The following KCNQ5 variants were observed in gnomAD, a reference collection of about 807,000 sequenced individuals.
KCNQ5 encodes potassium voltage-gated channel subfamily Q member 5.
Under a neutral mutation model 98.2 loss-of-function variants are expected in KCNQ5, and 30 were observed. The observed-to-expected ratio is 0.31, with a 90% confidence interval of 0.23 to 0.41. The LOEUF (loss-of-function observed/expected upper bound fraction) is 0.41. Ranked by LOEUF, KCNQ5 falls within the 10% of genes least tolerant of loss-of-function variation. The pLI, the probability that KCNQ5 is intolerant of heterozygous loss-of-function variation, is 1.00. For synonymous variants in KCNQ5, 458 were observed against 449.4 expected, an observed-to-expected ratio of 1.02 and a Z score of -0.24; for missense variants, 835 against 1,182.5, an observed-to-expected ratio of 0.71 and a Z score of 4.31.
intron 2 of KCNQ5, among the ~76,000 whole-genome samples, chr6:73,030,896 GC>G: frequency 6.6e-6 from 1 of 152,160 alleles, no homozygotes; most frequent in South Asian, 2.1e-4. Flanking sequence ...CCCACTGACA[GC>G]TCAACAGTTG....
intron 9 of KCNQ5, among the ~76,000 whole-genome samples, chr6:73,130,234 T>C (rs991473405): frequency 4.6e-5 from 7 of 152,222 alleles, no homozygotes; most frequent in Admixed American, 1.3e-4. Flanking sequence ...TAACAATAAC[T>C]ACAGCATTCT....
At chr6:72,856,307 T>A (rs926969559) in intron 1 of KCNQ5, among the ~76,000 whole-genome samples, 1 of 152,132 alleles carries the variant, frequency 6.6e-6, no homozygotes, top group African/African-American at 2.4e-5. Context: ...GTTCAAAGAT[T>A]CCCTACATGA....
intron 13 of KCNQ5, among the ~76,000 whole-genome samples, chr6:73,193,997 T>C (rs117442101): frequency 0.031 from 4,691 of 152,062 alleles, 94 homozygotes; most frequent in East Asian, 0.069. Context: ...CCACCACACC[T>C]GGCTGATTTT....
At position 72,813,867 on chromosome 6, in the gene KCNQ5, G is replaced by A. The variant is rs185333194; in HGVS notation, c.399-190041G>A. ...TGTTATTATTTTTTCAAATATTCTT[G>A]TCCTCTTGTTGGTTGACTCTGTGGA... On this transcript the variant is annotated intron_variant, in intron 1 of 13. Coordinates refer to ENST00000370398, the MANE Select transcript of KCNQ5 (RefSeq NM_019842.4). Among the ~76,000 whole-genome samples, 44 of 151,768 alleles carry A rather than the reference G, an allele frequency of 2.9e-4. No individual in the cohort carries two copies. The East Asian group carries it at 6.4e-3, about 22-fold the overall frequency.
intron 1 of KCNQ5, among the ~76,000 whole-genome samples, chr6:72,691,937 T>C (rs895307971): frequency 1.2e-4 from 18 of 152,218 alleles, no homozygotes; most frequent in African/African-American, 3.9e-4. Context: ...CAACTTGTAG[T>C]GTGCAGGGTC....
At chr6:73,044,309 G>A (rs781505220) in intron 3 of KCNQ5, among the ~76,000 whole-genome samples, 3 of 152,052 alleles carry the variant, frequency 2.0e-5, no homozygotes, top group Admixed American at 6.5e-5. Context: ...CATGGTTTAG[G>A]CATAATTGCA....
chr6:72,895,303 GA>G (rs978923377), intron 1 of KCNQ5, among the ~76,000 whole-genome samples: 4 of 145,892 alleles, frequency 2.7e-5, no homozygotes, highest in Non-Finnish European at 4.5e-5. Flanking sequence ...AAAAAAAAAA[GA>G]AAAAAAACTC....
At chr6:72,848,840 CCATGTG>C (rs1400326110) in intron 1 of KCNQ5, among the ~76,000 whole-genome samples, 2 of 152,262 alleles carry the variant, frequency 1.3e-5, no homozygotes, top group Admixed American at 1.3e-4. Flanking sequence ...CTTGCTGCTG[CCATGTG>C]AAGAAGGACG....
At position 72,941,666 on chromosome 6, in the gene KCNQ5, CTCTTTCTTTCTTTCTTTCTTTCTTTCTT is replaced by C. The variant is rs11266961; in HGVS notation, c.399-62184_399-62157del. 9.7e-3 allele frequency among the ~76,000 whole-genome samples: 803 copies of C among 83,114 alleles called. 28 individuals are homozygous for C. Among genetic ancestry groups the C allele is most frequent in the Middle Eastern group, 0.033 (6 of 182 alleles). 54.5% of individuals were successfully genotyped at this position (83,114 alleles called of 152,430 possible). ...TCCCCACCCGCACCTCCCTCCCCAT[CTCTTTCTTTCTTTCTTTCTTTCTTTCTT>C]TCTTTCTTTCTTTCTTTCTTTCTTT... On this transcript the variant is annotated intron_variant, in intron 1 of 13. Transcript: ENST00000370398.
chr6:72,733,451 C>A (rs973778364), intron 1 of KCNQ5, among the ~76,000 whole-genome samples: 2 of 151,974 alleles, frequency 1.3e-5, no homozygotes, highest in African/African-American at 4.8e-5. Flanking sequence ...GCATGAGCAC[C>A]AAGGAAGATA....
intron 3 of KCNQ5, among the ~76,000 whole-genome samples, chr6:73,048,654 A>G (rs1490901887): frequency 6.6e-6 from 1 of 152,236 alleles, no homozygotes; most frequent in Non-Finnish European, 1.5e-5. Context: ...CATATCAGCA[A>G]TATACAAATT....
chr6:73,132,156 G>A (rs1039149352), intron 9 of KCNQ5, among the ~76,000 whole-genome samples: 2 of 152,180 alleles, frequency 1.3e-5, no homozygotes, highest in African/African-American at 2.4e-5. Flanking sequence ...GGGGACAGTG[G>A]ACATTGCGGT....
chr6:72,636,665 T>C (rs1023783547), intron 1 of KCNQ5, among the ~76,000 whole-genome samples: 1 of 152,178 alleles, frequency 6.6e-6, no homozygotes, highest in Non-Finnish European at 1.5e-5. Context: ...AATTCTTCAA[T>C]GTTTGTTTAA....
chr6:72,696,400 G>A (rs754790907), intron 1 of KCNQ5, among the ~76,000 whole-genome samples: 14 of 152,126 alleles, frequency 9.2e-5, no homozygotes, highest in Non-Finnish European at 1.9e-4. Flanking sequence ...ACTTTATGAA[G>A]CAAGATGTTT....
chr6:72,661,950 A>G (rs1357965924), intron 1 of KCNQ5, among the ~76,000 whole-genome samples: 1 of 152,160 alleles, frequency 6.6e-6, no homozygotes, highest in East Asian at 1.9e-4. Context: ...AGAGTGTCAC[A>G]TTCAAAATGA....
intron 5 of KCNQ5, among the ~76,000 whole-genome samples, chr6:73,100,247 A>C (rs2150414145): frequency 6.6e-6 from 1 of 152,376 alleles, no homozygotes; most frequent in South Asian, 2.1e-4. Flanking sequence ...GTAAAGAAGA[A>C]AAACTTCAAA....
rs1765872537 is a variant in KCNQ5, at chr6:73,198,479, T to A, written c.*3065T>A. The A allele has an allele frequency of 6.6e-6, 1 of 152,220 alleles. No homozygotes were observed. Among genetic ancestry groups the A allele is most frequent in the Non-Finnish European group, 1.5e-5 (1 of 68,036 alleles). The allele number at this position is 152,220 out of a possible 1,614,324, so 9.4% of individuals were successfully genotyped here. On this transcript the variant is annotated 3_prime_UTR_variant, in exon 14 of 14. Coordinates refer to ENST00000370398, the MANE Select transcript of KCNQ5 (RefSeq NM_019842.4). Reference sequence around the variant, plus strand: ...AGAGAGGAGGAAATCAGGCACAAATTGACCAATTCTCATGCCATTTGCAAA... The same window carrying A: ...AGAGAGGAGGAAATCAGGCACAAATAGACCAATTCTCATGCCATTTGCAAA...
chr6:72,669,259 A>G (rs747068630), intron 1 of KCNQ5, among the ~76,000 whole-genome samples: 46 of 152,200 alleles, frequency 3.0e-4, no homozygotes, highest in Non-Finnish European at 5.3e-4. Flanking sequence ...AAATACAATG[A>G]TGAGACAGTT....
chr6:72,985,142 G>A (rs963240484), intron 1 of KCNQ5, among the ~76,000 whole-genome samples: 2 of 152,184 alleles, frequency 1.3e-5, no homozygotes, highest in African/African-American at 2.4e-5. Context: ...GATGTTCAAG[G>A]CTGCAGTGAG....
Sources: allele counts gnomAD v4.1 joint callset (sites outside exome capture counted in the v4.1 genomes callset), GRCh38; gene constraint gnomAD v4.1.1; transcripts MANE v1.5; gene names NCBI Gene and HGNC (gene_info 2026-07-23, HGNC 2026-07-21).